Variants in LAPTM4B observed in about 807,000 individuals in gnomAD.
The protein encoded by LAPTM4B is lysosomal-associated transmembrane protein 4B.
Under a neutral mutation model 28.5 loss-of-function variants are expected in LAPTM4B, and 26 were observed. The observed-to-expected ratio is 0.91, with a 90% CI of 0.67 to 1.27. The LOEUF is 1.27. Among genes scored for constraint, LAPTM4B ranks in the 50% most tolerant of loss-of-function variants. LAPTM4B has a pLI of 0.00. For missense variants in LAPTM4B, 288 were observed against 285.8 expected, an observed-to-expected ratio of 1.01 and a Z score of -0.06; for synonymous variants, 109 against 106.4, an observed-to-expected ratio of 1.02 and a Z score of -0.15.
chr8:97,824,437 A>G (rs1402064093), intron 5 of LAPTM4B, among the ~76,000 whole-genome samples: 4 of 152,242 alleles, frequency 2.6e-5, no homozygotes, highest in Non-Finnish European at 4.4e-5. Flanking sequence ...ATGAAAGTAC[A>G]GAGTTCATAG....
intron 6 of LAPTM4B, among the ~76,000 whole-genome samples, chr8:97,827,106 T>C (rs973300655): frequency 6.6e-6 from 1 of 152,194 alleles, no homozygotes; most frequent in African/African-American, 2.4e-5. Flanking sequence ...TATGGTGGTG[T>C]TATGAAAGAG....
chr8:97,831,547 T>TA (rs1817182825), intron 6 of LAPTM4B, among the ~76,000 whole-genome samples: 1 of 152,148 alleles, frequency 6.6e-6, no homozygotes. Flanking sequence ...TGAGGGGTTC[T>TA]AAAAGACAGG....
intron 6 of LAPTM4B, among the ~76,000 whole-genome samples, chr8:97,839,558 G>A (rs941714172): frequency 2.0e-5 from 3 of 152,182 alleles, no homozygotes; most frequent in Non-Finnish European, 4.4e-5. Context: ...TAACTTTCCA[G>A]TTGTTTCATC....
chr8:97,804,807 CCTGGCCTGGCCTGGA>C (rs1394085000), intron 1 of LAPTM4B, among the ~76,000 whole-genome samples: 1 of 152,072 alleles, frequency 6.6e-6, no homozygotes, highest in Non-Finnish European at 1.5e-5. Context: ...CCTGGCCTGG[CCTGGCCTGGCCTGGA>C]AAGGGTTATT....
intron 2 of LAPTM4B, among the ~76,000 whole-genome samples, chr8:97,807,299 G>A (rs1185502323): frequency 2.6e-5 from 4 of 152,094 alleles, no homozygotes; most frequent in Non-Finnish European, 5.9e-5. Flanking sequence ...GGCCACGGTG[G>A]CTCACACCTG....
intron 4 of LAPTM4B, 75 bp from the exon 5 acceptor site, chr8:97,819,065 G>A: frequency 1.1e-6 from 1 of 876,308 alleles, no homozygotes. Context: ...TGATAAGCAT[G>A]TCTGAATTGG....
intron 3 of LAPTM4B, 25 bp downstream of exon 3, chr8:97,815,426 G>A (rs770250654): frequency 2.7e-6 from 4 of 1,478,824 alleles, no homozygotes; most frequent in Non-Finnish European, 2.8e-6. Flanking sequence ...GTAAGATGCT[G>A]GCCTTTTCCT....
At chr8:97,837,444 T>C (rs6992805) in intron 6 of LAPTM4B, among the ~76,000 whole-genome samples, 59,695 of 151,892 alleles carry the variant, frequency 0.39, 12,331 homozygotes, top group Non-Finnish European at 0.46. Context: ...CCACCTGCCT[T>C]GGCCACCCGA....
chr8:97,851,649 G>A lies in LAPTM4B; in HGVS notation c.*175G>A, dbSNP rs1817525525. 3.3e-6 allele frequency: 2 copies of A among 611,762 alleles called. No homozygotes were observed. Among genetic ancestry groups the A allele is most frequent in the East Asian group, 2.8e-5 (1 of 36,234 alleles). 37.9% of individuals were successfully genotyped at this position (611,762 alleles called of 1,614,324 possible). On this transcript the variant is annotated 3_prime_UTR_variant, in exon 7 of 7. Transcript: ENST00000521545. Reference sequence around the variant, plus strand: ...GTAGTTTTCAACATATGCTTTGCTGGAACACTGTGATAGATTAACTGTAGA... The same window carrying A: ...GTAGTTTTCAACATATGCTTTGCTGAAACACTGTGATAGATTAACTGTAGA...
At chr8:97,796,723 T>G (rs920708434) in intron 1 of LAPTM4B, among the ~76,000 whole-genome samples, 4 of 152,096 alleles carry the variant, frequency 2.6e-5, no homozygotes, top group Admixed American at 2.0e-4. Context: ...GCAGATCACC[T>G]GAGGTCAGGA....
chr8:97,798,045 G>A (rs1450212454), intron 1 of LAPTM4B, among the ~76,000 whole-genome samples: 1 of 143,906 alleles, frequency 6.9e-6, no homozygotes, highest in Non-Finnish European at 1.5e-5. Context: ...CCCCTCTTTT[G>A]CATTTAGATC....
chr8:97,776,051 C>T lies in LAPTM4B; in HGVS notation c.42C>T (p.Ser14=), dbSNP rs1416762695. The change falls in exon 1 of 7, where the codon AGC becomes AGT. Residue 14 remains serine, a synonymous_variant. Transcript: ENST00000521545. ...CCTGGACGCGGTTCTACTCCAACAG[C>T]TGCTGCTTGTGCTGCCATGTCCGCA... ...VAPWTRFYSN[S]CCLCCHVRTG... The T allele has an allele frequency of 2.5e-6, 4 of 1,588,942 alleles. No individual in the cohort carries two copies. The highest frequency in any genetic ancestry group is 2.6e-6 in the Non-Finnish European group (3 of 1,171,158).
intron 1 of LAPTM4B, among the ~76,000 whole-genome samples, chr8:97,776,395 GCAGCCC>G (rs1816216666): frequency 6.6e-6 from 1 of 152,204 alleles, no homozygotes; most frequent in Non-Finnish European, 1.5e-5. Flanking sequence ...CAGCCTCCGC[GCAGCCC>G]CGCGGCCTCG....
At chr8:97,846,737 A>T (rs1817439345) in intron 6 of LAPTM4B, among the ~76,000 whole-genome samples, 1 of 152,200 alleles carries the variant, frequency 6.6e-6, no homozygotes, top group Non-Finnish European at 1.5e-5. Context: ...TTAAAATTTA[A>T]ATAGAGATGG....
At position 97,797,529 on chromosome 8, in the gene LAPTM4B, G is replaced by C. The variant is rs115133017; in HGVS notation, c.100-7824G>C. Reference sequence around the variant, plus strand: ...TTTAAAAAATAAGATTTTAATGCTTGTATAGGATTCTGTTACTTGGCTTTA... The same window carrying C: ...TTTAAAAAATAAGATTTTAATGCTTCTATAGGATTCTGTTACTTGGCTTTA... On this transcript the variant is annotated intron_variant, in intron 1 of 6. Transcript: ENST00000521545. Among the ~76,000 whole-genome samples the C allele has an allele frequency of 9.7e-3, 1,483 of 152,272 alleles. 18 individuals are homozygous for C. The highest frequency in any genetic ancestry group is 0.034 in the African/African-American group (1,396 of 41,550).
At chr8:97,845,308 AAACT>A (rs956480397) in intron 6 of LAPTM4B, among the ~76,000 whole-genome samples, 26 of 150,922 alleles carry the variant, frequency 1.7e-4, no homozygotes, top group Non-Finnish European at 5.9e-5. Flanking sequence ...TGATTTTCCC[AAACT>A]AACACTTGCT....
chr8:97,816,395 A>G (rs933808582), intron 4 of LAPTM4B, among the ~76,000 whole-genome samples: 2 of 151,880 alleles, frequency 1.3e-5, no homozygotes, highest in East Asian at 3.9e-4. Flanking sequence ...GCTCACTGCA[A>G]CCTCTGCCTC....
intron 2 of LAPTM4B, among the ~76,000 whole-genome samples, chr8:97,810,954 G>A (rs956937609): frequency 6.6e-6 from 1 of 152,280 alleles, no homozygotes; most frequent in South Asian, 2.1e-4. Context: ...ATGGTTCTGG[G>A]TGAAATTGAT....
intron 2 of LAPTM4B, among the ~76,000 whole-genome samples, chr8:97,809,212 A>G (rs950836635): frequency 6.6e-6 from 1 of 152,208 alleles, no homozygotes; most frequent in Admixed American, 6.5e-5. Context: ...CCAGATCCAG[A>G]TAGAACCATA....
Sources: gnomAD v4.1 joint callset for allele counts (sites outside exome capture counted in the v4.1 genomes callset) on GRCh38, gnomAD v4.1.1 for gene constraint, MANE v1.5 for transcripts, NCBI Gene and HGNC (gene_info 2026-07-23, HGNC 2026-07-21) for gene names.